The following MYOZ2 variants were observed in gnomAD, a reference collection of about 807,000 sequenced individuals.
The protein encoded by MYOZ2 is myozenin-2.
MYOZ2 carries 19 observed loss-of-function variants against 25.4 expected under a neutral mutation model. The ratio of observed to expected loss-of-function variants is 0.75; its 90% CI spans 0.52 to 1.10. The LOEUF is 1.10. Among genes scored for constraint, MYOZ2 ranks in the 50% least tolerant of loss-of-function variants. MYOZ2 has a pLI of 0.00. For synonymous variants in MYOZ2, 92 were observed against 106.9 expected (o/e 0.86, Z 0.86); for missense variants, 270 against 317.9 (o/e 0.85, Z 1.15).
At chr4:119,179,115 A>T (rs962019960) in intron 5 of MYOZ2, among the ~76,000 whole-genome samples, 3 of 152,212 alleles carry the variant, frequency 2.0e-5, no homozygotes, top group Non-Finnish European at 2.9e-5. Context: ...ACTGTTACAC[A>T]TAAAATACAA....
At chr4:119,140,697 T>C (rs544522037) in intron 2 of MYOZ2, among the ~76,000 whole-genome samples, 2 of 152,318 alleles carry the variant, frequency 1.3e-5, no homozygotes, top group East Asian at 1.9e-4. Flanking sequence ...CTAACTTTCT[T>C]TGAAGGCTTT....
chr4:119,176,970 C>T (rs558440338), intron 5 of MYOZ2, among the ~76,000 whole-genome samples: 89 of 152,272 alleles, frequency 5.8e-4, no homozygotes, highest in South Asian at 1.2e-3. Context: ...CTATCTGTGA[C>T]CACACACTGA....
rs374198662 is a variant in MYOZ2 at position 119,175,779 on chromosome 4, TG to T, written c.561-10185del. ...AAAAAAAAAAAAAATTTTGAAGTAG[TG>T]GTTGTGTGACCTGTGCAATTGCATG... On this transcript the variant is annotated intron_variant, in intron 5 of 5. Transcript: ENST00000307128. Among the ~76,000 whole-genome samples the T allele has an allele frequency of 1.7e-3, 262 of 151,696 alleles. 2 individuals carry two copies. In the East Asian group the frequency reaches 0.025, roughly 15 times the overall value.
chr4:119,167,218 A>G (rs1269367916), intron 5 of MYOZ2, among the ~76,000 whole-genome samples: 2 of 152,240 alleles, frequency 1.3e-5, no homozygotes, highest in African/African-American at 4.8e-5. Flanking sequence ...GAACACATGA[A>G]TGATAAAATA....
chr4:119,181,328 G>T (rs1742181821), intron 5 of MYOZ2, among the ~76,000 whole-genome samples: 1 of 151,906 alleles, frequency 6.6e-6, no homozygotes. Context: ...CATATCTTTG[G>T]TTCATGATTG....
chr4:119,147,755 A>AAAAAT (rs1553957921), intron 2 of MYOZ2, among the ~76,000 whole-genome samples: 3 of 150,516 alleles, frequency 2.0e-5, no homozygotes, highest in Admixed American at 6.6e-5. Flanking sequence ...AAAAAAAAAA[A>AAAAAT]AATCTACTTT....
At chr4:119,168,413 C>T (rs1490937169) in intron 5 of MYOZ2, among the ~76,000 whole-genome samples, 1 of 152,108 alleles carries the variant, frequency 6.6e-6, no homozygotes, top group East Asian at 1.9e-4. Flanking sequence ...TCTGATTGAT[C>T]TGGGCAAAGT....
chr4:119,136,448 GATT>G lies in MYOZ2; in HGVS notation c.-14-61_-14-59del. On this transcript the variant is annotated intron_variant, in intron 1 of 5. Coordinates refer to ENST00000307128, the MANE Select transcript of MYOZ2 (RefSeq NM_016599.5). ...CAAAGATGTTGTCTTTCAAAACAGT[GATT>G]ATAAGACACTCCAAATGAGTTCTTC... 5 of 1,374,972 alleles carry G rather than the reference GATT, an allele frequency of 3.6e-6. No homozygotes were observed. In the South Asian group the frequency reaches 6.0e-5, roughly 17 times the overall value. The allele number at this position is 1,374,972 out of a possible 1,614,324, so 85.2% of individuals were successfully genotyped here.
chr4:119,184,106 G>T (rs977685720), intron 5 of MYOZ2, among the ~76,000 whole-genome samples: 10 of 151,994 alleles, frequency 6.6e-5, no homozygotes, highest in Non-Finnish European at 1.0e-4. Context: ...CGAACCACTG[G>T]CACTGTTGTC....
chr4:119,170,591 C>A (rs938930292), intron 5 of MYOZ2, among the ~76,000 whole-genome samples: 6 of 151,940 alleles, frequency 3.9e-5, no homozygotes, highest in African/African-American at 1.5e-4. Context: ...TTAGACATAG[C>A]TGAAGAGAGA....
At chr4:119,155,817 T>C (rs781572433) in intron 3 of MYOZ2, among the ~76,000 whole-genome samples, 1 of 152,132 alleles carries the variant, frequency 6.6e-6, no homozygotes, top group African/African-American at 2.4e-5. Flanking sequence ...AGAAGATAGA[T>C]GATGACATGA....
intron 3 of MYOZ2, 50 bp from the exon 4 acceptor site, chr4:119,157,972 G>T (rs776257819): frequency 1.2e-6 from 2 of 1,604,186 alleles, no homozygotes; most frequent in East Asian, 4.5e-5. Flanking sequence ...TCCTATTATT[G>T]TGCTTACATT....
chr4:119,172,149 A>G (rs1741960332), intron 5 of MYOZ2, among the ~76,000 whole-genome samples: 1 of 152,236 alleles, frequency 6.6e-6, no homozygotes, highest in South Asian at 2.1e-4. Flanking sequence ...ACATTCAAAT[A>G]ATATTTCATT....
intron 2 of MYOZ2, among the ~76,000 whole-genome samples, chr4:119,140,389 A>G (rs1296749466): frequency 6.6e-6 from 1 of 152,234 alleles, no homozygotes; most frequent in African/African-American, 2.4e-5. Context: ...TCAAATATAT[A>G]AAGTTTATAG....
intron 5 of MYOZ2, among the ~76,000 whole-genome samples, chr4:119,181,380 T>G (rs977955159): frequency 6.6e-6 from 1 of 152,236 alleles, no homozygotes; most frequent in Non-Finnish European, 1.5e-5. Context: ...AGCTTGAATA[T>G]CCTCATCTGG....
At chr4:119,169,478 C>A (rs1741902283) in intron 5 of MYOZ2, among the ~76,000 whole-genome samples, 1 of 152,108 alleles carries the variant, frequency 6.6e-6, no homozygotes, top group Admixed American at 6.6e-5. Flanking sequence ...ATAAAAATAA[C>A]CAGAAAAGCT....
intron 2 of MYOZ2, among the ~76,000 whole-genome samples, chr4:119,148,237 T>C (rs191194511): frequency 2.2e-4 from 34 of 152,294 alleles, no homozygotes; most frequent in African/African-American, 8.2e-4. Flanking sequence ...TTTCCCCTTA[T>C]ATAAGTAAGT....
intron 4 of MYOZ2, among the ~76,000 whole-genome samples, chr4:119,160,358 T>G (rs567060333): frequency 6.6e-6 from 1 of 151,788 alleles, no homozygotes; most frequent in Non-Finnish European, 1.5e-5. Context: ...AGAGGACATA[T>G]GGAAAAGTGA....
intron 5 of MYOZ2, among the ~76,000 whole-genome samples, chr4:119,168,712 A>AC (rs56864549): frequency 2.6e-5 from 4 of 151,442 alleles, no homozygotes; most frequent in African/African-American, 7.3e-5. Flanking sequence ...AACAACAACA[A>AC]AAAACCACCT....
Sources: gnomAD v4.1 joint callset for allele counts (sites outside exome capture counted in the v4.1 genomes callset) on GRCh38, gnomAD v4.1.1 for gene constraint, MANE v1.5 for transcripts, NCBI Gene and HGNC (gene_info 2026-07-23, HGNC 2026-07-21) for gene names.